Variants in GRM5 observed in about 807,000 individuals in gnomAD.
The protein encoded by GRM5 is glutamate metabotropic receptor 5.
In GRM5, 19 loss-of-function variants were observed where a neutral mutation model predicts 83.1. The observed-to-expected ratio is 0.23, with a 90% CI of 0.16 to 0.34. The LOEUF (loss-of-function observed/expected upper bound fraction) is 0.34. Ranked by LOEUF, GRM5 falls within the 10% of genes least tolerant of loss-of-function variation. GRM5 has a pLI of 1.00. For missense variants in GRM5, 1,160 were observed against 1,588.3 expected (o/e 0.73, Z 4.58); for synonymous variants, 675 against 633.6 (o/e 1.07, Z -0.98).
chr11:88,781,047 T>C (rs1234837530), intron 3 of GRM5, among the ~76,000 whole-genome samples: 1 of 151,336 alleles, frequency 6.6e-6, no homozygotes, highest in Non-Finnish European at 1.5e-5. Flanking sequence ...ACTGTACATA[T>C]GGCATATAGA....
At chr11:88,572,617 T>C (rs1943027304) in intron 7 of GRM5, among the ~76,000 whole-genome samples, 1 of 152,186 alleles carries the variant, frequency 6.6e-6, no homozygotes, top group Non-Finnish European at 1.5e-5. Context: ...TCTCAGAATC[T>C]TGAAATAATG....
At chr11:88,815,815 A>G (rs989058823) in intron 3 of GRM5, among the ~76,000 whole-genome samples, 4 of 152,186 alleles carry the variant, frequency 2.6e-5, no homozygotes, top group African/African-American at 9.7e-5. Context: ...ATTAGGCCCC[A>G]CCTCCAACAT....
At chr11:88,855,900 A>G (rs987623714) in intron 2 of GRM5, among the ~76,000 whole-genome samples, 3 of 151,936 alleles carry the variant, frequency 2.0e-5, no homozygotes, top group Non-Finnish European at 4.4e-5. Flanking sequence ...TGTACAGAAA[A>G]GTAGTACAGA....
intron 2 of GRM5, among the ~76,000 whole-genome samples, chr11:88,909,314 TC>T (rs1945455022): frequency 6.6e-6 from 1 of 152,084 alleles, no homozygotes; most frequent in African/African-American, 2.4e-5. Flanking sequence ...GCCATCCTGT[TC>T]TTACTCATAT....
chr11:88,720,450 G>A (rs1428178009), intron 3 of GRM5, among the ~76,000 whole-genome samples: 1 of 152,038 alleles, frequency 6.6e-6, no homozygotes. Context: ...GGTAACTTGA[G>A]ATAGGAGTTG....
chr11:88,629,200 T>A (rs1000663153), intron 4 of GRM5, among the ~76,000 whole-genome samples: 5 of 152,220 alleles, frequency 3.3e-5, no homozygotes, highest in African/African-American at 1.2e-4. Flanking sequence ...CTGGGTCTAT[T>A]GGTAGCGGCA....
In GRM5 at chr11:88,921,426, A is replaced by G. The variant is rs1945691228; in HGVS notation, c.662-71271T>C. On this transcript the variant is annotated intron_variant, in intron 2 of 9. Transcript: ENST00000305447. Reference sequence around the variant, plus strand: ...ATCACAAGGTTAGGAGATTGAGACCATCCTGGCTAACACGGTGAAACCCCG... The same window carrying G: ...ATCACAAGGTTAGGAGATTGAGACCGTCCTGGCTAACACGGTGAAACCCCG... Among the ~76,000 whole-genome samples, 5 of 152,152 alleles carry G rather than the reference A, an allele frequency of 3.3e-5. No homozygotes were observed. The South Asian group carries it at 1.0e-3, about 31-fold the overall frequency.
intron 3 of GRM5, among the ~76,000 whole-genome samples, chr11:88,727,873 G>A (rs1438434125): frequency 6.6e-6 from 1 of 152,130 alleles, no homozygotes; most frequent in Non-Finnish European, 1.5e-5. Context: ...CTGGGACACA[G>A]CTAAAGCAGT....
At chr11:88,938,905 A>G (rs1392951310) in intron 2 of GRM5, among the ~76,000 whole-genome samples, 1 of 151,752 alleles carries the variant, frequency 6.6e-6, no homozygotes, top group East Asian at 1.9e-4. Flanking sequence ...CTCCATTAAC[A>G]TGTTCCAGGA....
At chr11:88,907,022 T>G (rs1945415389) in intron 2 of GRM5, among the ~76,000 whole-genome samples, 2 of 152,008 alleles carry the variant, frequency 1.3e-5, no homozygotes, top group Non-Finnish European at 2.9e-5. Context: ...TTTGAGGCAG[T>G]TTGGCTAACA....
At chr11:89,000,085 T>C (rs1940322445) in intron 2 of GRM5, among the ~76,000 whole-genome samples, 2 of 151,890 alleles carry the variant, frequency 1.3e-5, no homozygotes, top group South Asian at 4.2e-4. Context: ...CTGGGGCCTG[T>C]TGTGGGGTGA....
intron 2 of GRM5, among the ~76,000 whole-genome samples, chr11:88,939,792 G>A (rs1938025464): frequency 6.6e-6 from 1 of 151,806 alleles, no homozygotes; most frequent in Admixed American, 6.6e-5. Flanking sequence ...AGTACCTGAT[G>A]TCTAAAAAAA....
chr11:88,613,225 G>A (rs1393157596), intron 4 of GRM5, among the ~76,000 whole-genome samples: 1 of 152,116 alleles, frequency 6.6e-6, no homozygotes, highest in Non-Finnish European at 1.5e-5. Flanking sequence ...AATTGGTCAA[G>A]TCTTGAGTTT....
intron 2 of GRM5, among the ~76,000 whole-genome samples, chr11:88,968,782 AG>A (rs1939073781): frequency 6.6e-6 from 1 of 152,174 alleles, no homozygotes; most frequent in African/African-American, 2.4e-5. Flanking sequence ...TACCCTAAAA[AG>A]CCACTGAATT....
chr11:88,633,708 G>A (rs1351460140), intron 4 of GRM5, among the ~76,000 whole-genome samples: 1 of 152,074 alleles, frequency 6.6e-6, no homozygotes, highest in East Asian at 1.9e-4. Context: ...AAGAGGCAGG[G>A]GGTAGTTTCA....
intron 3 of GRM5, among the ~76,000 whole-genome samples, chr11:88,831,039 A>T (rs769987127): frequency 2.0e-5 from 3 of 151,870 alleles, no homozygotes; most frequent in Non-Finnish European, 4.4e-5. Flanking sequence ...CCCACAACAC[A>T]TGGGAATTCA....
intron 2 of GRM5, among the ~76,000 whole-genome samples, chr11:88,878,598 G>A (rs2135570157): frequency 6.6e-6 from 1 of 152,246 alleles, no homozygotes; most frequent in African/African-American, 2.4e-5. Context: ...CTGCACAGGT[G>A]GTGTGCACTC....
intron 3 of GRM5, among the ~76,000 whole-genome samples, chr11:88,688,714 A>G (rs7949475): frequency 0.75 from 113,840 of 151,920 alleles, 42,734 homozygotes; most frequent in South Asian, 0.89. Flanking sequence ...AAAGATGAAC[A>G]GAATCTCTCT....
At chr11:89,060,289 C>T (rs1468099275) in intron 1 of GRM5, among the ~76,000 whole-genome samples, 16 of 150,022 alleles carry the variant, frequency 1.1e-4, no homozygotes, top group African/African-American at 4.0e-4. Flanking sequence ...TATATATACA[C>T]ACACACACAC....
Sources: allele counts gnomAD v4.1 joint callset (sites outside exome capture counted in the v4.1 genomes callset), GRCh38; gene constraint gnomAD v4.1.1; transcripts MANE v1.5; gene names NCBI Gene and HGNC (gene_info 2026-07-23, HGNC 2026-07-21).